The following GRIP1 variants were observed in gnomAD, a reference collection of about 807,000 sequenced individuals.
The protein encoded by GRIP1 is glutamate receptor interacting protein 1, also known as glutamate receptor-interacting protein 1.
A neutral mutation model predicts 129.9 loss-of-function variants in GRIP1; 45 were observed. The observed-to-expected ratio is 0.35, with a 90% CI of 0.27 to 0.44. GRIP1 has a LOEUF of 0.44. Ranked by LOEUF, GRIP1 falls within the 20% of genes least tolerant of loss-of-function variation. The pLI, the probability that GRIP1 is intolerant of heterozygous loss-of-function variation, is 1.00. For synonymous variants in GRIP1, 530 were observed against 520.8 expected, an observed-to-expected ratio of 1.02 and a Z score of -0.24; for missense variants, 1,196 against 1,396.8, an observed-to-expected ratio of 0.86 and a Z score of 2.29.
At chr12:66,640,928 G>GAAC (rs1010830572) in intron 1 of GRIP1, among the ~76,000 whole-genome samples, 13 of 152,144 alleles carry the variant, frequency 8.5e-5, no homozygotes, top group African/African-American at 2.9e-4. Flanking sequence ...AACAAGAACA[G>GAAC]AACAACAACA....
chr12:66,768,180 T>C (rs2037705232), intron 1 of GRIP1, among the ~76,000 whole-genome samples: 1 of 152,200 alleles, frequency 6.6e-6, no homozygotes, highest in African/African-American at 2.4e-5. Flanking sequence ...TGCTCCTGCT[T>C]ATAGGAGGAA....
rs552270091 is a variant in GRIP1, at chr12:66,379,245, A to T, written c.2621+35T>A. 2.5e-6 allele frequency: 4 copies of T among 1,605,066 alleles called. No homozygotes were observed. In the African/African-American group the frequency reaches 5.3e-5, roughly 21 times the overall value. On this transcript the variant is annotated intron_variant, in intron 20 of 24. Coordinates refer to ENST00000359742, the MANE Select transcript of GRIP1 (RefSeq NM_001366722.1). ...ATCTTGCCCACATGACCATGCAGTC[A>T]TCTTGGATGAGGCAGCATTGGTTGA...
At chr12:66,404,605 C>G (rs1473762122) in intron 16 of GRIP1, among the ~76,000 whole-genome samples, 1 of 152,050 alleles carries the variant, frequency 6.6e-6, no homozygotes, top group Non-Finnish European at 1.5e-5. Context: ...TTCCTAAACC[C>G]GTTTATGCCA....
chr12:66,882,497 T>C (rs1308768851), intron 1 of GRIP1, among the ~76,000 whole-genome samples: 1 of 152,210 alleles, frequency 6.6e-6, no homozygotes, highest in Non-Finnish European at 1.5e-5. Flanking sequence ...AGCTCTGATC[T>C]TGAGTAATTG....
At chr12:66,352,780 C>T (rs575591491) in intron 24 of GRIP1, among the ~76,000 whole-genome samples, 26 of 151,444 alleles carry the variant, frequency 1.7e-4, no homozygotes, top group African/African-American at 4.8e-4. Flanking sequence ...TCAAAAGGTC[C>T]GTCATCAACC....
chr12:66,912,725 A>G, intron 1 of GRIP1, among the ~76,000 whole-genome samples: 1 of 152,312 alleles, frequency 6.6e-6, no homozygotes, highest in East Asian at 1.9e-4. Context: ...AATTTAAGAA[A>G]ATAACATTAA....
chr12:66,837,609 T>G (rs549733169), intron 1 of GRIP1, among the ~76,000 whole-genome samples: 1 of 152,226 alleles, frequency 6.6e-6, no homozygotes, highest in South Asian at 2.1e-4. Flanking sequence ...TTGCAAGCAA[T>G]GAAAGGCCAT....
intron 23 of GRIP1, among the ~76,000 whole-genome samples, chr12:66,362,680 G>T (rs1216731295): frequency 6.6e-6 from 1 of 151,822 alleles, no homozygotes; most frequent in Non-Finnish European, 1.5e-5. Context: ...TATCAGGGAG[G>T]GATGAATGGT....
chr12:67,031,184 C>T (rs952432520), intron 1 of GRIP1, among the ~76,000 whole-genome samples: 1 of 152,182 alleles, frequency 6.6e-6, no homozygotes, highest in Non-Finnish European at 1.5e-5. Context: ...ATAATCTGCA[C>T]TGCATCCCAG....
At position 66,756,142 on chromosome 12, in the gene GRIP1, A is replaced by T. The variant is rs377319555; in HGVS notation, c.-420+47911T>A. ...GGCAACAGATCTCTAGAACTCCTTCATCTTGCAAAACTGAAACCCCATGCC... is the reference window on the plus strand; with the variant it reads ...GGCAACAGATCTCTAGAACTCCTTCTTCTTGCAAAACTGAAACCCCATGCC... On this transcript the variant is annotated intron_variant, in intron 1 of 4. Coordinates refer to the GRIP1 transcript ENST00000538373. 2.0e-3 allele frequency among the ~76,000 whole-genome samples: 297 copies of T among 152,280 alleles called. 3 individuals carry two copies. Among genetic ancestry groups the T allele is most frequent in the African/African-American group, 6.5e-3 (269 of 41,564 alleles).
chr12:66,583,878 T>C (rs1592598134), intron 2 of GRIP1, among the ~76,000 whole-genome samples: 1 of 135,174 alleles, frequency 7.4e-6, no homozygotes, highest in Non-Finnish European at 1.6e-5. Context: ...GAACTAGAAA[T>C]ACCATTTGAT....
chr12:66,465,670 G>A (rs766250226), intron 7 of GRIP1, among the ~76,000 whole-genome samples: 4 of 152,152 alleles, frequency 2.6e-5, no homozygotes, highest in South Asian at 2.1e-4. Flanking sequence ...GAGATTTTAA[G>A]CTTCATGTCA....
chr12:66,615,892 G>A (rs1039047576), intron 1 of GRIP1, among the ~76,000 whole-genome samples: 4 of 152,068 alleles, frequency 2.6e-5, no homozygotes, highest in African/African-American at 7.2e-5. Flanking sequence ...TGATCCACCC[G>A]CCTCAGCCTC....
rs1437130402 is a variant in GRIP1 at position 66,445,453 on chromosome 12, G to A, written c.1410C>T (p.Thr470=). ...GATCTGCCGTCAGCACAACCTCTGT[G>A]GTTTCTGTGTGAACAACCTGCCCAG... is the stretch of plus-strand genomic sequence containing the variant. ...GLAGQVVHTE[T]TEVVLTADPV... The change falls in exon 12 of 25, where the codon ACC becomes ACT. Residue 470 remains threonine (T), a synonymous_variant. Transcript: ENST00000359742. The A allele has an allele frequency of 3.7e-6, 6 of 1,613,974 alleles. No individual in the cohort carries two copies. The Admixed American group carries it at 5.0e-5, about 13-fold the overall frequency.
intron 7 of GRIP1, among the ~76,000 whole-genome samples, chr12:66,498,171 A>G (rs187791935): frequency 0.021 from 3,136 of 152,262 alleles, 96 homozygotes; most frequent in African/African-American, 0.072. Context: ...TGAAATAAAC[A>G]GCCATGTTGC....
intron 2 of GRIP1, among the ~76,000 whole-genome samples, chr12:66,593,563 T>A (rs1031643014): frequency 1.3e-5 from 2 of 152,214 alleles, no homozygotes. Context: ...TCTACATTTA[T>A]AGAATAAGTT....
chr12:66,654,109 G>A (rs1330631170), intron 1 of GRIP1, among the ~76,000 whole-genome samples: 1 of 152,058 alleles, frequency 6.6e-6, no homozygotes, highest in Non-Finnish European at 1.5e-5. Context: ...AAGCTATCAG[G>A]CACCAAACAT....
chr12:66,378,677 A>G (rs1255775825), intron 20 of GRIP1, among the ~76,000 whole-genome samples: 1 of 149,772 alleles, frequency 6.7e-6, no homozygotes, highest in Non-Finnish European at 1.5e-5. Flanking sequence ...CCCAGGAGGC[A>G]GAGGTTGCAG....
chr12:66,584,298 C>T (rs1460360112), intron 2 of GRIP1, among the ~76,000 whole-genome samples: 2 of 151,618 alleles, frequency 1.3e-5, no homozygotes, highest in Non-Finnish European at 2.9e-5. Flanking sequence ...GGGAGATATA[C>T]CTAATGCTAG....
Sources: gnomAD v4.1 joint callset for allele counts (sites outside exome capture counted in the v4.1 genomes callset) on GRCh38, gnomAD v4.1.1 for gene constraint, MANE v1.5 for transcripts, NCBI Gene and HGNC (gene_info 2026-07-23, HGNC 2026-07-21) for gene names.